The following MEIS2 variants were observed in gnomAD, a reference collection of about 807,000 sequenced individuals.
The protein encoded by MEIS2 is Meis homeobox 2, also known as homeobox protein Meis2.
Under a neutral mutation model 58.6 loss-of-function variants are expected in MEIS2, and 9 were observed. That is an observed-to-expected ratio of 0.15 (90% CI 0.09 to 0.27). The LOEUF is 0.27. Ranked by LOEUF, MEIS2 falls within the 10% of genes least tolerant of loss-of-function variation. MEIS2 has a pLI of 1.00. For missense variants in MEIS2, 427 were observed against 635.0 expected, an observed-to-expected ratio of 0.67 and a Z score of 3.52; for synonymous variants, 221 against 228.4, an observed-to-expected ratio of 0.97 and a Z score of 0.29.
chr15:36,901,542 T>C (rs1367958697), intron 9 of MEIS2, among the ~76,000 whole-genome samples: 1 of 152,150 alleles, frequency 6.6e-6, no homozygotes, highest in African/African-American at 2.4e-5. Context: ...GTAAGGTAAA[T>C]GAATGAGATT....
chr15:36,934,287 C>T (rs1211311379), intron 9 of MEIS2, among the ~76,000 whole-genome samples: 5 of 151,294 alleles, frequency 3.3e-5, no homozygotes, highest in Non-Finnish European at 7.4e-5. Context: ...TCCTCCGTAA[C>T]AATTCCAAAG....
At chr15:36,907,663 A>C (rs1222157168) in intron 9 of MEIS2, among the ~76,000 whole-genome samples, 1 of 152,198 alleles carries the variant, frequency 6.6e-6, no homozygotes, top group African/African-American at 2.4e-5. Context: ...GCTTTCTTTA[A>C]ATTGTAGCTT....
At chr15:37,081,390 G>A (rs192816048) in intron 7 of MEIS2, among the ~76,000 whole-genome samples, 9 of 152,210 alleles carry the variant, frequency 5.9e-5, no homozygotes, top group African/African-American at 1.9e-4. Context: ...AAGCATATGC[G>A]ATTTCAGTCA....
chr15:36,922,511 G>C (rs1226008527), intron 9 of MEIS2, among the ~76,000 whole-genome samples: 1 of 151,356 alleles, frequency 6.6e-6, no homozygotes, highest in East Asian at 1.9e-4. Context: ...CATCTAAAAG[G>C]GCAGAAACAA....
At position 37,100,502 on chromosome 15, in the gene MEIS2, G is replaced by A. The variant is rs1432663411; in HGVS notation, c.-1036C>T. ...GACACATCCCGGGAGTGGGGAGCGG[G>A]AGCGAGGAGGAGCGCGCCGCGCCGA... On this transcript the variant is annotated 5_prime_UTR_variant, in exon 1 of 12. Coordinates refer to ENST00000561208, the MANE Select transcript of MEIS2 (RefSeq NM_170675.5). 1 of 151,900 alleles carries A rather than the reference G, an allele frequency of 6.6e-6. No individual in the cohort carries two copies. Among genetic ancestry groups the A allele is most frequent in the Non-Finnish European group, 1.5e-5 (1 of 67,934 alleles). 9.4% of individuals were successfully genotyped at this position (151,900 alleles called of 1,614,324 possible). A position where few individuals can be genotyped will look rare whatever the true frequency, so the allele number is the denominator to read the frequency against.
At chr15:37,017,351 C>T (rs1448448011) in intron 8 of MEIS2, among the ~76,000 whole-genome samples, 5 of 152,022 alleles carry the variant, frequency 3.3e-5, no homozygotes, top group African/African-American at 1.2e-4. Flanking sequence ...CCCTGTAATC[C>T]CTGCACTTTG....
chr15:37,008,707 C>T (rs1233510456), intron 8 of MEIS2, among the ~76,000 whole-genome samples: 1 of 152,044 alleles, frequency 6.6e-6, no homozygotes, highest in Non-Finnish European at 1.5e-5. Flanking sequence ...ACTATTTTAG[C>T]TTATTTGGAG....
chr15:36,893,723 C>T (rs1379203829), intron 11 of MEIS2, among the ~76,000 whole-genome samples: 2 of 152,122 alleles, frequency 1.3e-5, no homozygotes, highest in African/African-American at 4.8e-5. Flanking sequence ...TTTTAGGGAA[C>T]ATTGCTTTCT....
At chr15:36,955,566 A>G (rs1007614981) in intron 8 of MEIS2, among the ~76,000 whole-genome samples, 2 of 152,218 alleles carry the variant, frequency 1.3e-5, no homozygotes, top group Non-Finnish European at 2.9e-5. Context: ...AAAGATATAC[A>G]TGGGATATAA....
intron 9 of MEIS2, 24 bp downstream of exon 9, chr15:36,950,300 G>T: frequency 1.3e-6 from 2 of 1,572,622 alleles, no homozygotes; most frequent in Non-Finnish European, 1.7e-6. Context: ...ATGGGAGAAA[G>T]ACATTGATTT....
chr15:36,990,958 T>A (rs2060250453), intron 8 of MEIS2, among the ~76,000 whole-genome samples: 1 of 152,182 alleles, frequency 6.6e-6, no homozygotes, highest in Admixed American at 6.5e-5. Context: ...AATAAATGAA[T>A]GTGAGCTTTT....
intron 7 of MEIS2, among the ~76,000 whole-genome samples, chr15:37,052,442 T>C (rs1362507631): frequency 2.0e-5 from 3 of 152,208 alleles, no homozygotes; most frequent in Non-Finnish European, 4.4e-5. Flanking sequence ...AGCTGGGTCT[T>C]GAACTCTAAA....
intron 8 of MEIS2, among the ~76,000 whole-genome samples, chr15:37,021,807 C>G (rs1368510635): frequency 6.6e-6 from 1 of 152,046 alleles, no homozygotes; most frequent in Non-Finnish European, 1.5e-5. Flanking sequence ...ATCTCCCTAC[C>G]CAAGGATAAT....
At chr15:36,979,458 C>A (rs886715815) in intron 8 of MEIS2, among the ~76,000 whole-genome samples, 1 of 151,880 alleles carries the variant, frequency 6.6e-6, no homozygotes, top group Non-Finnish European at 1.5e-5. Flanking sequence ...GGTGCTTTGG[C>A]GTTTGCCAAT....
intron 8 of MEIS2, among the ~76,000 whole-genome samples, chr15:37,025,823 A>G (rs1011027389): frequency 6.6e-6 from 1 of 152,126 alleles, no homozygotes; most frequent in Non-Finnish European, 1.5e-5. Context: ...TTAAAAACTA[A>G]TGCCTTTTCA....
At chr15:37,039,053 C>A (rs375998924) in intron 7 of MEIS2, among the ~76,000 whole-genome samples, 7 of 152,134 alleles carry the variant, frequency 4.6e-5, no homozygotes, top group East Asian at 3.9e-4. Context: ...CTATTAGGAG[C>A]CAGGCAGTGG....
chr15:37,055,913 A>G (rs569672543), intron 7 of MEIS2, among the ~76,000 whole-genome samples: 36 of 152,366 alleles, frequency 2.4e-4, no homozygotes, highest in African/African-American at 8.7e-4. Context: ...TACTCCAAGC[A>G]GCACATTGGG....
At chr15:37,053,643 G>A (rs2063018530) in intron 7 of MEIS2, among the ~76,000 whole-genome samples, 2 of 152,104 alleles carry the variant, frequency 1.3e-5, no homozygotes, top group South Asian at 4.1e-4. Context: ...TCTCCCAAAA[G>A]TGCTGTATTA....
In MEIS2 at chr15:36,896,849, T is replaced by A. The variant is rs571790596; in HGVS notation, c.978-163A>T. On this transcript the variant is annotated intron_variant, in intron 9 of 11. Coordinates refer to ENST00000561208, the MANE Select transcript of MEIS2 (RefSeq NM_170675.5). ...CTTTCAGCGTTCAAAAATAGTTGAC[T>A]GGGTAATCTCCGTCGTCACTGCGTA... The A allele has an allele frequency of 2.2e-5, 14 of 628,288 alleles. No homozygotes were observed. The South Asian group carries it at 2.5e-4, about 11-fold the overall frequency. The allele number at this position is 628,288 out of a possible 1,614,324, so 38.9% of individuals were successfully genotyped here. A position where few individuals can be genotyped will look rare whatever the true frequency, so the allele number is the denominator to read the frequency against.
Sources: allele counts gnomAD v4.1 joint callset (sites outside exome capture counted in the v4.1 genomes callset), GRCh38; gene constraint gnomAD v4.1.1; transcripts MANE v1.5; gene names NCBI Gene and HGNC (gene_info 2026-07-23, HGNC 2026-07-21).